Variants in GLIS3 observed in about 807,000 individuals in gnomAD.
GLIS3 encodes the protein GLIS family zinc finger 3.
In GLIS3, 53 loss-of-function variants were observed where a neutral mutation model predicts 78.6. The observed-to-expected ratio is 0.67, with a 90% CI of 0.54 to 0.85. The LOEUF is 0.85. Ranked by LOEUF, GLIS3 falls within the 40% of genes least tolerant of loss-of-function variation. The pLI is 0.00. For missense variants in GLIS3, 1,703 were observed against 1,231.1 expected (o/e 1.38, Z -5.74); for synonymous variants, 684 against 509.9 (o/e 1.34, Z -4.60).
In GLIS3 at chr9:4,059,829, T is replaced by TGTGTGTGTGTGAGAGA; in HGVS notation, c.1710+57938_1710+57939insTCTCTCACACACACAC. ...TTGTGTGTGTGTGTGTGTGTGTGTG[T>TGTGTGTGTGTGAGAGA]GAGAGAGAGAGAGAGAGAGAGAGAG... On this transcript the variant is annotated intron_variant, in intron 4 of 10. Transcript: ENST00000381971. Among the ~76,000 whole-genome samples the TGTGTGTGTGTGAGAGA allele has an allele frequency of 8.6e-3, 861 of 100,674 alleles. 15 individuals are homozygous for TGTGTGTGTGTGAGAGA. The highest frequency in any genetic ancestry group is 0.034 in the East Asian group (102 of 3,012). 66.0% of individuals were successfully genotyped at this position (100,674 alleles called of 152,430 possible).
chr9:4,023,213 G>A (rs947484018), intron 4 of GLIS3, among the ~76,000 whole-genome samples: 1 of 152,074 alleles, frequency 6.6e-6, no homozygotes, highest in Non-Finnish European at 1.5e-5. Context: ...CACATGGTTT[G>A]AGCTATCTGC....
the GLIS3 span, among the ~76,000 whole-genome samples, chr9:4,456,034 G>A: frequency 3.9e-4 from 59 of 152,204 alleles, no homozygotes; most frequent in Admixed American, 8.5e-4. Context: ...CTCGAACCTG[G>A]GAGGGAGAGG....
intron 2 of GLIS3, among the ~76,000 whole-genome samples, chr9:4,253,828 C>T (rs147182374): frequency 2.7e-3 from 418 of 152,302 alleles, no homozygotes; most frequent in Non-Finnish European, 4.8e-3. Flanking sequence ...CCTCACAGCA[C>T]AGTCCCTCAT....
At chr9:4,108,398 A>G (rs914615928) in intron 4 of GLIS3, among the ~76,000 whole-genome samples, 1 of 152,216 alleles carries the variant, frequency 6.6e-6, no homozygotes, top group South Asian at 2.1e-4. Context: ...CCTGTGAAGC[A>G]GCATGGAAAC....
At chr9:4,477,787 C>T in the GLIS3 span, among the ~76,000 whole-genome samples, 22 of 151,998 alleles carry the variant, frequency 1.4e-4, no homozygotes, top group Non-Finnish European at 2.6e-4. Context: ...ATAGTGGTGA[C>T]GGCTGCAGAG....
chr9:4,399,030 A>G, the GLIS3 span, among the ~76,000 whole-genome samples: 1,331 of 152,278 alleles, frequency 8.7e-3, 16 homozygotes, highest in African/African-American at 0.03. Flanking sequence ...CTGCTTTCAT[A>G]TATTTTATGC....
rs112061524 is a variant in GLIS3 at position 4,262,854 on chromosome 9, T to C, written c.388+23184A>G. Among the ~76,000 whole-genome samples the C allele has an allele frequency of 1.0e-3, 150 of 150,630 alleles. 1 individual carries two copies. Among genetic ancestry groups the C allele is most frequent in the African/African-American group, 3.0e-3 (121 of 40,816 alleles). On this transcript the variant is annotated intron_variant, in intron 2 of 10. Transcript: ENST00000381971. ...CTTCACCGAAAGGAATGTAGTGATC[T>C]AGTGTTAAAACTATGAACTACCTTA...
Position 4,118,842 on chromosome 9 carries a change from C to T in GLIS3, c.636G>A (p.Leu212=), listed in dbSNP as rs1380922089. 6.9e-6 allele frequency: 11 copies of T among 1,604,186 alleles called. No homozygotes were observed. The highest frequency in any genetic ancestry group is 9.3e-6 in the Non-Finnish European group (11 of 1,179,938). ...ISRESLASTT[L]SLTESQSASS... ...AGGCCGACTGACTTTCCGTCAGACT[C>T]AAGGTCGTGGACGCCAAAGACTCAC... Residue 212 remains leucine, a synonymous_variant, in exon 4 of 11, where the codon TTG becomes TTA. Coordinates refer to ENST00000381971, the MANE Select transcript of GLIS3 (RefSeq NM_001042413.2). This position sits in a 1 kb window ranked among gnomAD's most constrained non-coding sequence, Gnocchi z 4.7.
chr9:4,313,308 G>T (rs1817392437), intron 2 of GLIS3, among the ~76,000 whole-genome samples: 1 of 152,174 alleles, frequency 6.6e-6, no homozygotes. Flanking sequence ...TTGAGCAGCT[G>T]TCTTCTTTCT....
chr9:4,339,773 G>T (rs1393948921), intron 2 of GLIS3, among the ~76,000 whole-genome samples: 1 of 28,528 alleles, frequency 3.5e-5, no homozygotes, highest in Non-Finnish European at 6.5e-5. Flanking sequence ...AACGTGCCCA[G>T]AGAACCAGAA....
At chr9:4,241,687 T>G (rs1043844799) in intron 2 of GLIS3, among the ~76,000 whole-genome samples, 5 of 110,502 alleles carry the variant, frequency 4.5e-5, no homozygotes, top group African/African-American at 1.6e-4. Flanking sequence ...TTTTGTTTTG[T>G]TTTTTTTGAG....
rs532089333 is a variant in GLIS3 at position 4,328,065 on chromosome 9, C to T, written n.265-17537G>A. On this transcript the variant is annotated intron_variant and non_coding_transcript_variant, in intron 2 of 4. Transcript: ENST00000471664. Reference sequence around the variant, plus strand: ...CTCCCACTCCTCACTGTTATTAGGGCTGGCAGAGCCCAGCACATATGGTCT... The same window carrying T: ...CTCCCACTCCTCACTGTTATTAGGGTTGGCAGAGCCCAGCACATATGGTCT... 5.3e-5 allele frequency among the ~76,000 whole-genome samples: 8 copies of T among 152,344 alleles called. No individual in the cohort carries two copies. The East Asian group carries it at 9.6e-4, about 18-fold the overall frequency.
intron 4 of GLIS3, among the ~76,000 whole-genome samples, chr9:4,023,350 A>T (rs1286797629): frequency 6.6e-6 from 1 of 152,160 alleles, no homozygotes; most frequent in African/African-American, 2.4e-5. Context: ...ACAAAACCCC[A>T]TTCTGCTATT....
At chr9:4,143,497 G>A (rs965133430) in intron 2 of GLIS3, among the ~76,000 whole-genome samples, 2 of 151,922 alleles carry the variant, frequency 1.3e-5, no homozygotes, top group Admixed American at 6.6e-5. Flanking sequence ...AACCCAGGAG[G>A]TGGGGGTTGC....
Position 3,937,074 on chromosome 9 carries a change from C to G in GLIS3, c.1826G>C (p.Ser609Thr). 1 of 1,613,718 alleles carries G rather than the reference C, an allele frequency of 6.2e-7. No homozygotes were observed. Among genetic ancestry groups the G allele is most frequent in the East Asian group, 2.2e-5 (1 of 44,882 alleles). Reference protein sequence around the residue: ...CQHPGCQKAFSNSSDRAKHQR... With the variant: ...CQHPGCQKAFTNSSDRAKHQR... ...GTGTTTGGCGCGGTCACTGGAGTTA[C>G]TGAAGGCCTTCTGACAACCCGGATG... The change falls in exon 5 of 11, where the codon AGT becomes ACT. Residue 609 changes from serine to threonine, a missense_variant. Coordinates refer to ENST00000381971, the MANE Select transcript of GLIS3 (RefSeq NM_001042413.2).
At chr9:4,187,540 T>C (rs1272906463) in intron 2 of GLIS3, among the ~76,000 whole-genome samples, 1 of 152,188 alleles carries the variant, frequency 6.6e-6, no homozygotes, top group Non-Finnish European at 1.5e-5. Context: ...AAGAAAGTCA[T>C]TGGTAGCTTG....
At chr9:3,895,129 G>C (rs1422573749) in intron 7 of GLIS3, among the ~76,000 whole-genome samples, 1 of 152,170 alleles carries the variant, frequency 6.6e-6, no homozygotes, top group African/African-American at 2.4e-5. Flanking sequence ...TGATATCTCA[G>C]ACTCACCAAA....
At chr9:4,294,104 T>C (rs181210323) in intron 1 of GLIS3, among the ~76,000 whole-genome samples, 1 of 152,344 alleles carries the variant, frequency 6.6e-6, no homozygotes, top group Admixed American at 6.5e-5. Flanking sequence ...ACTTATCCTC[T>C]AAGCCCACCC....
chr9:3,963,844 T>C (rs1817742508), intron 4 of GLIS3, among the ~76,000 whole-genome samples: 1 of 152,054 alleles, frequency 6.6e-6, no homozygotes, highest in Non-Finnish European at 1.5e-5. Flanking sequence ...GAGACAGTGC[T>C]GGCAAGGGCC....
Sources: gnomAD v4.1 joint callset for allele counts (sites outside exome capture counted in the v4.1 genomes callset) on GRCh38, gnomAD v4.1.1 for gene constraint, Gnocchi (gnomAD v3.1) non-coding constraint, MANE v1.5 for transcripts, NCBI Gene and HGNC (gene_info 2026-07-23, HGNC 2026-07-21) for gene names.